The following ANXA2 variants were observed in gnomAD, a reference collection of about 807,000 sequenced individuals.
ANXA2 encodes the protein annexin II.
ANXA2 carries 28 observed loss-of-function variants against 47.3 expected under a neutral mutation model. The ratio of observed to expected loss-of-function variants is 0.59; its 90% CI spans 0.44 to 0.81. The LOEUF (loss-of-function observed/expected upper bound fraction) is 0.81. Among genes scored for constraint, ANXA2 ranks in the 40% least tolerant of loss-of-function variants. The pLI is 0.00. For missense variants in ANXA2, 384 were observed against 414.3 expected (o/e 0.93, Z 0.64); for synonymous variants, 172 against 155.5 (o/e 1.11, Z -0.79).
chr15:60,396,934 CTTTGT>C (rs2063088060), intron 1 of ANXA2, among the ~76,000 whole-genome samples: 1 of 152,230 alleles, frequency 6.6e-6, no homozygotes, highest in African/African-American at 2.4e-5. Flanking sequence ...TTGCACAGCA[CTTTGT>C]TTTTTGTGTA....
chr15:60,393,914 C>A (rs1355996257), intron 1 of ANXA2, among the ~76,000 whole-genome samples: 4 of 152,146 alleles, frequency 2.6e-5, no homozygotes, highest in Non-Finnish European at 5.9e-5. Context: ...ATTAGAAAGT[C>A]TTTTTTTCTT....
intron 2 of ANXA2, 61 bp from the exon 3 acceptor site, chr15:60,382,502 A>C (rs2062876678): frequency 5.9e-6 from 7 of 1,179,920 alleles, no homozygotes; most frequent in Non-Finnish European, 6.2e-6. Context: ...TGTTGAAATA[A>C]CAATGCCTAA....
chr15:60,381,726 T>G (rs1178372370), intron 3 of ANXA2, among the ~76,000 whole-genome samples: 2 of 152,074 alleles, frequency 1.3e-5, no homozygotes, highest in East Asian at 1.9e-4. Context: ...AAAAAAAGTC[T>G]GAATTTTTCA....
At chr15:60,349,828 G>GGGA (rs1192498443) in intron 11 of ANXA2, among the ~76,000 whole-genome samples, 1 of 135,946 alleles carries the variant, frequency 7.4e-6, no homozygotes, top group Non-Finnish European at 1.5e-5. Context: ...AGGAAAGGGA[G>GGGA]GGAGGGGAAG....
At chr15:60,376,364 G>T (rs947608147) in intron 3 of ANXA2, among the ~76,000 whole-genome samples, 1 of 150,934 alleles carries the variant, frequency 6.6e-6, no homozygotes, top group Non-Finnish European at 1.5e-5. Context: ...TGGGCAACAA[G>T]AGCAAAACTC....
In ANXA2 at chr15:60,385,794, G is replaced by T. The variant is rs550748557; in HGVS notation, c.48+234C>A. 7.2e-5 allele frequency: 33 copies of T among 456,542 alleles called. No individual in the cohort carries two copies. In the South Asian group the frequency reaches 1.4e-3, roughly 19 times the overall value. 28.3% of individuals were successfully genotyped at this position (456,542 alleles called of 1,614,324 possible). A position where few individuals can be genotyped will look rare whatever the true frequency, so the allele number is the denominator to read the frequency against. ...AGAATAAAATTCCAGCCATTCCAGT[G>T]TCACTAATTCTGTCCAATTTTAATG... On this transcript the variant is annotated intron_variant, in intron 2 of 12. Coordinates refer to ENST00000451270, the MANE Select transcript of ANXA2 (RefSeq NM_004039.3).
chr15:60,397,049 G>C (rs1030214775), intron 1 of ANXA2, among the ~76,000 whole-genome samples: 1 of 152,154 alleles, frequency 6.6e-6, no homozygotes, highest in Non-Finnish European at 1.5e-5. Flanking sequence ...CCCAGATGAG[G>C]AAACTTATCT....
chr15:60,347,914 G>A (rs934491373), intron 12 of ANXA2, among the ~76,000 whole-genome samples: 1 of 152,210 alleles, frequency 6.6e-6, no homozygotes, highest in Non-Finnish European at 1.5e-5. Context: ...GACACTCAAG[G>A]CTCCTTAGGA....
At chr15:60,381,009 T>C (rs1001641799) in intron 3 of ANXA2, among the ~76,000 whole-genome samples, 1 of 152,004 alleles carries the variant, frequency 6.6e-6, no homozygotes, top group Non-Finnish European at 1.5e-5. Context: ...CTACTCTACT[T>C]CCTGTCTCTG....
intron 5 of ANXA2, among the ~76,000 whole-genome samples, 164 bp from the exon 6 acceptor site, chr15:60,357,400 T>C (rs2062448266): frequency 6.6e-6 from 1 of 152,146 alleles, no homozygotes; most frequent in African/African-American, 2.4e-5. Context: ...TAGCACAAAG[T>C]AATGGCATTT....
At chr15:60,355,257 T>C (rs2062409267) in intron 7 of ANXA2, among the ~76,000 whole-genome samples, 1 of 152,092 alleles carries the variant, frequency 6.6e-6, no homozygotes, top group East Asian at 1.9e-4. Flanking sequence ...TGGTGGTACA[T>C]GGGGCAGGTG....
chr15:60,354,619 C>CAAAA (rs5813019), intron 7 of ANXA2, among the ~76,000 whole-genome samples: 10 of 109,226 alleles, frequency 9.2e-5, no homozygotes, highest in African/African-American at 1.1e-4. Flanking sequence ...GACTCTGTCT[C>CAAAA]AAAAAAAAAA....
chr15:60,375,824 G>A (rs577470697), intron 3 of ANXA2, among the ~76,000 whole-genome samples: 15 of 152,270 alleles, frequency 9.9e-5, no homozygotes, highest in African/African-American at 1.4e-4. Context: ...CACAATAAAC[G>A]AGTATGTAGA....
rs184303170 is a variant in ANXA2, at chr15:60,357,917, T to G, written c.358-681A>C. Among the ~76,000 whole-genome samples, 362 of 152,364 alleles carry G rather than the reference T, an allele frequency of 2.4e-3. 1 individual carries two copies. Among genetic ancestry groups the G allele is most frequent in the Middle Eastern group, 0.01 (3 of 294 alleles). ...TTTTTCTTATTATTATTTTTCACTT[T>G]CTACAATAACCACTCACTATTTTAA... On this transcript the variant is annotated intron_variant, in intron 5 of 12. Transcript: ENST00000451270.
chr15:60,350,983 T>C (rs1225723526), intron 11 of ANXA2, among the ~76,000 whole-genome samples: 1 of 152,212 alleles, frequency 6.6e-6, no homozygotes, highest in Non-Finnish European at 1.5e-5. Context: ...TTTTTGTCTG[T>C]ACGCAAATAC....
intron 2 of ANXA2, chr15:60,384,208 T>C (rs2062902574): frequency 6.6e-6 from 1 of 152,220 alleles, no homozygotes; most frequent in Admixed American, 6.5e-5. Context: ...AGGAAAAACA[T>C]TTTCCCATTT....
chr15:60,397,632 GC>G, intron 1 of ANXA2, among the ~76,000 whole-genome samples: 1 of 151,656 alleles, frequency 6.6e-6, no homozygotes, highest in East Asian at 2.0e-4. Flanking sequence ...GCCTCCCTCC[GC>G]CCCTCTCCCC....
chr15:60,393,246 A>T, intron 1 of ANXA2: 1 of 1,064,360 alleles, frequency 9.4e-7, no homozygotes, highest in Non-Finnish European at 1.1e-6. Context: ...GACTTGTTGC[A>T]GCTTCATGCT....
chr15:60,392,406 TAAAAA>T (rs56146858), intron 1 of ANXA2, among the ~76,000 whole-genome samples: 1 of 147,834 alleles, frequency 6.8e-6, no homozygotes, highest in Non-Finnish European at 1.5e-5. Context: ...TTGTCCTTAT[TAAAAA>T]AAAAAAAACT....
Sources: allele counts gnomAD v4.1 joint callset (sites outside exome capture counted in the v4.1 genomes callset), GRCh38; gene constraint gnomAD v4.1.1; transcripts MANE v1.5; gene names NCBI Gene and HGNC (gene_info 2026-07-23, HGNC 2026-07-21).